Variants in ZNF875 observed in about 807,000 individuals in gnomAD.
The protein encoded by ZNF875 is HKR1, GLI-Kruppel zinc finger family member.
Under a neutral mutation model 11.2 loss-of-function variants are expected in ZNF875, and 14 were observed. The observed-to-expected ratio is 1.26, with a 90% CI of 0.83 to 1.96. ZNF875 has a LOEUF of 1.96. ZNF875 is among the 30% of genes most tolerant of loss of function. The pLI is 0.00. For missense variants in ZNF875, 752 were observed against 760.4 expected, an observed-to-expected ratio of 0.99 and a Z score of 0.13; for synonymous variants, 301 against 281.1, an observed-to-expected ratio of 1.07 and a Z score of -0.71.
chr19:37,347,559 C>A (rs1024445702), intron 3 of ZNF875: 7 of 610,868 alleles, frequency 1.1e-5, no homozygotes, highest in Non-Finnish European at 2.0e-5. Flanking sequence ...CTTTATTTTG[C>A]TTCAAACCCA....
In ZNF875 at chr19:37,363,582, A is replaced by G. The variant is rs1484716662; in HGVS notation, c.1730A>G (p.Lys577Arg). ...TTTTGTGCTAAGTTAACTCTCATTAAACACCAGAGAGCACACGCAGGGGGG... is the reference window on the plus strand; with the variant it reads ...TTTTGTGCTAAGTTAACTCTCATTAGACACCAGAGAGCACACGCAGGGGGG... ...QGFCAKLTLI[K>R]HQRAHAGGKP... The change falls in exon 5 of 5, where the codon AAA becomes AGA. Residue 577 changes from lysine to arginine, a missense_variant. By Grantham distance (26) the Lys-to-Arg change is conservative. Transcript: ENST00000392153. The G allele has an allele frequency of 1.2e-6, 2 of 1,611,190 alleles. No individual in the cohort carries two copies. The highest frequency in any genetic ancestry group is 2.7e-5 in the African/African-American group (2 of 73,836).
chr19:37,342,818 A>G (rs2036005500), intron 2 of ZNF875, among the ~76,000 whole-genome samples: 1 of 152,158 alleles, frequency 6.6e-6, no homozygotes, highest in African/African-American at 2.4e-5. Context: ...AGCTTTGCTA[A>G]TATATAATAC....
At chr19:37,339,581 C>G (rs2035262374) in intron 2 of ZNF875, among the ~76,000 whole-genome samples, 1 of 127,938 alleles carries the variant, frequency 7.8e-6, no homozygotes, top group African/African-American at 3.0e-5. Flanking sequence ...GAGTCTCGCT[C>G]TGTCACTCTG....
chr19:37,327,968 G>A (rs887538650), intron 4 of ZNF875, among the ~76,000 whole-genome samples: 12 of 150,998 alleles, frequency 7.9e-5, no homozygotes, highest in African/African-American at 2.9e-4. Flanking sequence ...AAGACCAGGT[G>A]CGGTGGCTCA....
chr19:37,335,984 C>T (rs773314428), intron 2 of ZNF875, among the ~76,000 whole-genome samples: 8 of 152,100 alleles, frequency 5.3e-5, no homozygotes, highest in Non-Finnish European at 7.4e-5. Flanking sequence ...CCATCCTTAC[C>T]GCAGTCACTC....
upstream of ZNF875, among the ~76,000 whole-genome samples, chr19:37,314,122 A>C (rs865885521): frequency 1.0e-3 from 153 of 152,230 alleles, no homozygotes; most frequent in African/African-American, 3.3e-3. Context: ...AATTAAAAAA[A>C]ATTTTTTTTA....
chr19:37,355,388 C>T (rs2038722571), intron 4 of ZNF875, among the ~76,000 whole-genome samples: 1 of 152,146 alleles, frequency 6.6e-6, no homozygotes, highest in South Asian at 2.1e-4. Context: ...CAGGGTTTCA[C>T]CATGTTAGTC....
intron 4 of ZNF875, among the ~76,000 whole-genome samples, chr19:37,355,042 T>C (rs557871687): frequency 6.6e-6 from 1 of 152,350 alleles, no homozygotes; most frequent in South Asian, 2.1e-4. Context: ...TAAAATGACC[T>C]ACTATTTTAC....
intron 1 of ZNF875, among the ~76,000 whole-genome samples, chr19:37,320,457 T>G (rs962184976): frequency 2.6e-5 from 4 of 152,248 alleles, no homozygotes; most frequent in African/African-American, 7.2e-5. Context: ...TTGCTATTGT[T>G]ACTTAATGTG....
intron 2 of ZNF875, among the ~76,000 whole-genome samples, chr19:37,342,409 ATTTTT>A (rs66638698): frequency 1.7e-4 from 23 of 135,738 alleles, no homozygotes; most frequent in South Asian, 1.4e-3. Context: ...ATCCAACTGA[ATTTTT>A]TTTTTTTTTT....
chr19:37,327,952 G>A (rs901672304), intron 4 of ZNF875, among the ~76,000 whole-genome samples: 1 of 151,524 alleles, frequency 6.6e-6, no homozygotes, highest in African/African-American at 2.4e-5. Context: ...AGTGAGAAGG[G>A]GCGGAAAGAC....
intron 4 of ZNF875, among the ~76,000 whole-genome samples, chr19:37,356,148 G>C (rs2146524498): frequency 6.6e-6 from 1 of 152,264 alleles, no homozygotes; most frequent in South Asian, 2.1e-4. Flanking sequence ...CATGGTGTGT[G>C]TGTACCACAT....
At chr19:37,345,433 C>T (rs1198328922) in intron 2 of ZNF875, among the ~76,000 whole-genome samples, 2 of 152,162 alleles carry the variant, frequency 1.3e-5, no homozygotes, top group Non-Finnish European at 2.9e-5. Flanking sequence ...GGAGGATTCC[C>T]TGGGAAGGGT....
At chr19:37,354,266 C>T (rs1452518658) in intron 4 of ZNF875, among the ~76,000 whole-genome samples, 6 of 101,722 alleles carry the variant, frequency 5.9e-5, no homozygotes, top group African/African-American at 2.3e-4. Flanking sequence ...CTCCCCTCCC[C>T]TCCCCTCCCC....
At chr19:37,339,708 G>T (rs1282686919) in intron 2 of ZNF875, among the ~76,000 whole-genome samples, 3 of 151,754 alleles carry the variant, frequency 2.0e-5, no homozygotes, top group Admixed American at 6.6e-5. Context: ...GGGATTACAG[G>T]TGCCCGCCAC....
In ZNF875 at chr19:37,356,219, G is replaced by A. The variant is rs185894966; in HGVS notation, c.257-5890G>A. Among the ~76,000 whole-genome samples the A allele has an allele frequency of 3.3e-4, 50 of 152,270 alleles. 1 individual carries two copies. The highest frequency in any genetic ancestry group is 1.2e-3 in the African/African-American group (48 of 41,552). ...GAAGATTCCATGACTTTGCTGTTGG[G>A]AATAGTGCTGCGATAAGCATACGAG... On this transcript the variant is annotated intron_variant, in intron 4 of 4. Coordinates refer to ENST00000392153, the MANE Select transcript of ZNF875 (RefSeq NM_001353803.2).
At chr19:37,327,850 T>C (rs567111789) in intron 4 of ZNF875, among the ~76,000 whole-genome samples, 34 of 152,248 alleles carry the variant, frequency 2.2e-4, no homozygotes, top group African/African-American at 7.9e-4. Flanking sequence ...ATTATTTTAA[T>C]GTCAGAAAGG....
intron 2 of ZNF875, among the ~76,000 whole-genome samples, chr19:37,336,135 C>T (rs912180557): frequency 6.6e-6 from 1 of 152,000 alleles, no homozygotes; most frequent in African/African-American, 2.4e-5. Flanking sequence ...AGGGAGGCCT[C>T]CTAGAAGTAG....
In ZNF875 at chr19:37,364,075, G is replaced by A. The variant is rs1600252406; in HGVS notation, c.*300G>A. 2.7e-6 allele frequency: 1 copy of A among 364,712 alleles called. No individual in the cohort carries two copies. The highest frequency in any genetic ancestry group is 5.0e-5 in the East Asian group (1 of 19,864). The allele number at this position is 364,712 out of a possible 1,614,324, so 22.6% of individuals were successfully genotyped here. A position where few individuals can be genotyped will look rare whatever the true frequency, so the allele number is the denominator to read the frequency against. Reference sequence around the variant, plus strand: ...AGGCAGTCAAATGCCCAGGCAGATAGGGGTGGGTACCTGGTGAAACCCAAC... The same window carrying A: ...AGGCAGTCAAATGCCCAGGCAGATAAGGGTGGGTACCTGGTGAAACCCAAC... On this transcript the variant is annotated 3_prime_UTR_variant, in exon 5 of 5. Transcript: ENST00000392153.
Sources: allele counts gnomAD v4.1 joint callset (sites outside exome capture counted in the v4.1 genomes callset), GRCh38; gene constraint gnomAD v4.1.1; transcripts MANE v1.5; gene names NCBI Gene and HGNC (gene_info 2026-07-23, HGNC 2026-07-21).